POLR1C: variants seen among roughly 807,000 people sequenced by gnomAD.
The protein encoded by POLR1C is DNA-directed RNA polymerases I and III subunit RPAC1.
POLR1C carries 42 observed loss-of-function variants against 38.3 expected under a neutral mutation model. The ratio of observed to expected loss-of-function variants is 1.10; its 90% CI spans 0.86 to 1.42. The LOEUF (loss-of-function observed/expected upper bound fraction) is 1.42. Ranked by LOEUF, POLR1C falls within the 40% of genes most tolerant of loss-of-function variation. The probability of loss-of-function intolerance (pLI) is 0.00; values close to 1 mark genes in which losing one functional copy is unlikely to be tolerated. For missense variants in POLR1C, 507 were observed against 450.5 expected, an observed-to-expected ratio of 1.13 and a Z score of -1.14; for synonymous variants, 163 against 163.9, an observed-to-expected ratio of 0.99 and a Z score of 0.04.
intron 9 of POLR1C, chr6:43,548,205 T>TA: frequency 1.3e-6 from 2 of 1,498,632 alleles, no homozygotes; most frequent in East Asian, 2.3e-5. Context: ...GCCTAGCTCT[T>TA]AAACCAAAAT....
intron 10 of POLR1C, chr6:43,558,858 G>C: frequency 3.0e-6 from 1 of 337,354 alleles, no homozygotes; most frequent in African/African-American, 2.1e-5. Context: ...ATTCTTTTAA[G>C]GTCCCCAGAA....
chr6:43,561,071 GA>G lies in POLR1C; in HGVS notation c.*49-327del, dbSNP rs1218821212. ...GAAAAGCAGGAGAGGAAAAAGCAGG[GA>G]AGTAATAAAAACAGATAAATTAAAC... is the stretch of plus-strand genomic sequence containing the variant. On this transcript the variant is annotated intron_variant, in intron 10 of 10. Coordinates refer to the POLR1C transcript ENST00000607635. The G allele has an allele frequency of 1.1e-5, 15 of 1,332,318 alleles. No homozygotes were observed. In the East Asian group the frequency reaches 3.5e-4, roughly 31 times the overall value. The allele number at this position is 1,332,318 out of a possible 1,614,324, so 82.5% of individuals were successfully genotyped here. A position where few individuals can be genotyped will look rare whatever the true frequency, so the allele number is the denominator to read the frequency against.
intron 8 of POLR1C, chr6:43,529,043 T>C (rs781727509): frequency 2.5e-5 from 28 of 1,142,740 alleles, no homozygotes; most frequent in Non-Finnish European, 3.4e-5. Context: ...GTCAAAAATA[T>C]CCTGTGTTAA....
downstream of POLR1C, chr6:43,526,501 G>GC: frequency 1.6e-6 from 1 of 627,720 alleles, no homozygotes. Context: ...AGAGGAAACA[G>GC]CAAGTGCAAA....
chr6:43,549,522 G>A, intron 9 of POLR1C: 1 of 1,613,234 alleles, frequency 6.2e-7, no homozygotes, highest in East Asian at 2.2e-5. Flanking sequence ...GACACATCTT[G>A]ATGATGGAGG....
intron 9 of POLR1C, among the ~76,000 whole-genome samples, chr6:43,535,180 T>G (rs1794239373): frequency 6.7e-6 from 1 of 149,368 alleles, no homozygotes. Flanking sequence ...TGGTCCCAGC[T>G]ACTCGGGAGG....
chr6:43,533,244 A>ACG (rs1399485412), downstream of POLR1C: 1 of 135,168 alleles, frequency 7.4e-6, no homozygotes, highest in Non-Finnish European at 1.5e-5. Flanking sequence ...ACACACACAC[A>ACG]CACACACACA....
intron 9 of POLR1C, among the ~76,000 whole-genome samples, chr6:43,537,511 C>T (rs1302334853): frequency 2.0e-5 from 3 of 152,292 alleles, no homozygotes; most frequent in South Asian, 2.1e-4. Context: ...TGCATTGAAG[C>T]GCAATAGCAG....
intron 9 of POLR1C, among the ~76,000 whole-genome samples, chr6:43,534,889 T>C (rs1294477390): frequency 6.6e-6 from 1 of 151,902 alleles, no homozygotes; most frequent in Non-Finnish European, 1.5e-5. Context: ...TCCCAGTTAC[T>C]TGGGAGGCTA....
At chr6:43,524,195 T>C (rs1793385314), downstream of POLR1C, among the ~76,000 whole-genome samples, 1 of 151,880 alleles carries the variant, frequency 6.6e-6, no homozygotes, top group Non-Finnish European at 1.5e-5. Flanking sequence ...CTACTAAAAA[T>C]ACAAAAAGTA....
chr6:43,530,122 T>C (rs1793871488), downstream of POLR1C, among the ~76,000 whole-genome samples: 1 of 152,038 alleles, frequency 6.6e-6, no homozygotes, highest in Admixed American at 6.6e-5. Context: ...CTGGGCGTAG[T>C]AGCATGCGCC....
intron 9 of POLR1C, among the ~76,000 whole-genome samples, chr6:43,534,998 A>AAACAACAACAACAAC: frequency 6.6e-6 from 1 of 151,482 alleles, no homozygotes. Context: ...CCATCTCAAA[A>AAACAACAACAACAAC]AAACCCCCCA....
intron 9 of POLR1C, chr6:43,538,719 G>T (rs1339337112): frequency 5.6e-5 from 27 of 483,870 alleles, no homozygotes; most frequent in Admixed American, 1.2e-4. Flanking sequence ...GTCTGGTTTT[G>T]GTATCAAAAT....
At chr6:43,537,764 A>G (rs1794424658) in intron 9 of POLR1C, among the ~76,000 whole-genome samples, 1 of 152,206 alleles carries the variant, frequency 6.6e-6, no homozygotes, top group South Asian at 2.1e-4. Flanking sequence ...TTTTCAACAA[A>G]TAAATTGAAA....
downstream of POLR1C, among the ~76,000 whole-genome samples, chr6:43,530,417 T>C (rs911438140): frequency 2.7e-5 from 4 of 150,674 alleles, no homozygotes; most frequent in African/African-American, 9.9e-5. Context: ...TGAGCAAGAC[T>C]GTCTCAAAAA....
Position 43,521,044 on chromosome 6 carries a change from T to C in POLR1C, c.918T>C (p.Tyr306=), listed in dbSNP as rs1342235860. The stretch of plus-strand genomic sequence containing the variant: ...GGCTTGCCCGGGTTCGAGATCATTA[T>C]ATCTGTGAGTATGAAGTGGTGAGAT... ...VVRLARVRDH[Y]IFSVESTGVL... is the part of the protein sequence containing the mutation. The change falls in exon 8 of 9, where the codon TAT becomes TAC. Residue 306 remains tyrosine, a synonymous_variant. Transcript: ENST00000642195. 6.2e-7 allele frequency: 1 copy of C among 1,612,220 alleles called. No homozygotes were observed.
chr6:43,529,221 T>C (rs767478297), intron 8 of POLR1C: 5 of 1,407,744 alleles, frequency 3.6e-6, no homozygotes, highest in East Asian at 3.7e-5. Flanking sequence ...TAACAAACTC[T>C]CCTTCACCAT....
Position 43,520,708 on chromosome 6 carries a change from G to A in POLR1C, c.739G>A (p.Gly247Arg). 1.2e-6 allele frequency: 2 copies of A among 1,614,154 alleles called. No individual in the cohort carries two copies. Among genetic ancestry groups the A allele is most frequent in the Non-Finnish European group, 1.7e-6 (2 of 1,180,012 alleles). The change falls in exon 7 of 9, where the codon GGG (glycine) becomes AGG (arginine). Residue 247 changes from glycine (G) to arginine (R), a missense_variant. Physicochemically the swap from Gly to Arg is moderately radical, Grantham distance 125. Coordinates refer to ENST00000642195, the MANE Select transcript of POLR1C (RefSeq NM_203290.4). Reference sequence around the variant, plus strand: ...CATCACCCTGCTTGAGCCCGTGGAAGGGGAGGCAGCTGAGGAGTTGAGCAG... The same window carrying A: ...CATCACCCTGCTTGAGCCCGTGGAAAGGGAGGCAGCTGAGGAGTTGAGCAG... ...PDITLLEPVE[G>R]EAAEELSRCF... is the part of the protein sequence containing the mutation.
downstream of POLR1C, chr6:43,531,544 G>A (rs145537072): frequency 9.9e-6 from 16 of 1,613,964 alleles, no homozygotes; most frequent in Non-Finnish European, 1.4e-5. Context: ...AGACAGGAGA[G>A]TCATTGAGTT....
Sources: gnomAD v4.1 joint callset for allele counts (sites outside exome capture counted in the v4.1 genomes callset) on GRCh38, gnomAD v4.1.1 for gene constraint, MANE v1.5 for transcripts, NCBI Gene and HGNC (gene_info 2026-07-23, HGNC 2026-07-21) for gene names.